RAD51D: variants seen among roughly 807,000 people sequenced by gnomAD.
RAD51D encodes DNA repair protein RAD51 homolog 4.
Under a neutral mutation model 44.1 loss-of-function variants are expected in RAD51D, and 38 were observed. The ratio of observed to expected loss-of-function variants is 0.86; its 90% CI spans 0.67 to 1.13. The LOEUF (loss-of-function observed/expected upper bound fraction) is 1.13. RAD51D is among the 50% of genes most tolerant of loss of function. The pLI is 0.00. For missense variants in RAD51D, 390 were observed against 414.0 expected, an observed-to-expected ratio of 0.94 and a Z score of 0.50; for synonymous variants, 141 against 166.6, an observed-to-expected ratio of 0.85 and a Z score of 1.18.
Position 35,104,433 on chromosome 17 carries a change from T to C in RAD51D, c.577-889A>G, listed in dbSNP as rs1301082344. Among the ~76,000 whole-genome samples, 5 of 152,218 alleles carry C rather than the reference T, an allele frequency of 3.3e-5. No homozygotes were observed. In the East Asian group the frequency reaches 9.6e-4, roughly 29 times the overall value. The stretch of plus-strand genomic sequence containing the variant: ...CTCTGTCACCCAGGCTGGAGTGCAG[T>C]GGCATGATCTCAGCTAACTGCAACC... On this transcript the variant is annotated intron_variant, in intron 6 of 9. Transcript: ENST00000345365.
intron 5 of RAD51D, 56 bp from the exon 6 acceptor site, chr17:35,106,537 AAGGT>A: frequency 7.4e-7 from 1 of 1,358,984 alleles, no homozygotes; most frequent in South Asian, 1.2e-5. Flanking sequence ...TAGGGGGGTC[AAGGT>A]AAGGCTGAGA....
chr17:35,117,792 C>G (rs779855270), intron 3 of RAD51D, among the ~76,000 whole-genome samples: 1 of 152,168 alleles, frequency 6.6e-6, no homozygotes, highest in Non-Finnish European at 1.5e-5. Context: ...ATGAGCACTG[C>G]ATCTGGACCG....
chr17:35,104,635 T>G (rs1307204464), intron 6 of RAD51D, among the ~76,000 whole-genome samples: 3 of 152,192 alleles, frequency 2.0e-5, no homozygotes, highest in African/African-American at 4.8e-5. Flanking sequence ...CTGGCCACTT[T>G]GGCCTCCCAA....
At chr17:35,114,706 A>T (rs2091717157) in intron 3 of RAD51D, among the ~76,000 whole-genome samples, 1 of 152,138 alleles carries the variant, frequency 6.6e-6, no homozygotes, top group Admixed American at 6.6e-5. Flanking sequence ...AAACAAATTA[A>T]AAAATTAAAA....
chr17:35,119,483 A>T (rs372388481), intron 1 of RAD51D, 49 bp downstream of exon 1: 4 of 1,590,312 alleles, frequency 2.5e-6, no homozygotes, highest in Admixed American at 1.7e-5. Context: ...GGGCCTGCCC[A>T]GGTTGTGCGA....
chr17:35,119,142 T>G lies in RAD51D; in HGVS notation c.113A>C (p.Glu38Ala). 1 of 1,614,028 alleles carries G rather than the reference T, an allele frequency of 6.2e-7. No homozygotes were observed. Among genetic ancestry groups the G allele is most frequent in the Non-Finnish European group, 8.5e-7 (1 of 1,179,864 alleles). ...VVDLVSADLE[E>A]VAQKCGLSYK... ...AGACAAGCCACATTTCTGAGCTACC[T>G]CTTCCAGGTCTGCAGAAACCAGGTC... Residue 38 changes from glutamate (E) to alanine (A), a missense_variant, in exon 2 of 10, where the codon GAG becomes GCG. By Grantham distance (107) the Glu-to-Ala change is moderately radical. Coordinates refer to ENST00000345365, the MANE Select transcript of RAD51D (RefSeq NM_002878.4).
At position 35,103,192 on chromosome 17, in the gene RAD51D, A is replaced by G. The variant is rs1189840706; in HGVS notation, c.738+62T>C. On this transcript the variant is annotated intron_variant, in intron 8 of 9. Coordinates refer to ENST00000345365, the MANE Select transcript of RAD51D (RefSeq NM_002878.4). The surrounding 1 kb of genome is among the most constrained non-coding windows in gnomAD (Gnocchi z 4.1). Reference sequence around the variant, plus strand: ...TTTGGGGTTCAGAAGCTGACATTTAAGGGAAATAAAGAGCTCGCAATAACT... The same window carrying G: ...TTTGGGGTTCAGAAGCTGACATTTAGGGGAAATAAAGAGCTCGCAATAACT... 1.3e-6 allele frequency: 2 copies of G among 1,500,182 alleles called. No homozygotes were observed. Among genetic ancestry groups the G allele is most frequent in the Non-Finnish European group, 1.8e-6 (2 of 1,099,434 alleles). 92.9% of individuals were successfully genotyped at this position (1,500,182 alleles called of 1,614,324 possible). A position where few individuals can be genotyped will look rare whatever the true frequency, so the allele number is the denominator to read the frequency against.
At chr17:35,106,914 A>G in intron 5 of RAD51D, 74 bp downstream of exon 5, 2 of 1,610,804 alleles carry the variant, frequency 1.2e-6, no homozygotes, top group African/African-American at 2.7e-5. Flanking sequence ...TTCAACCCAA[A>G]TTCTTACAAT....
At chr17:35,105,918 G>A (rs1157323319) in intron 6 of RAD51D, among the ~76,000 whole-genome samples, 1 of 152,186 alleles carries the variant, frequency 6.6e-6, no homozygotes, top group East Asian at 1.9e-4. Flanking sequence ...GAATATGGAT[G>A]TGGATGTGTG....
rs2091463294 is a variant in RAD51D at position 35,092,565 on chromosome 17, G to T, written c.*8388C>A. The T allele has an allele frequency of 6.6e-6, 1 of 152,196 alleles. No individual in the cohort carries two copies. Among genetic ancestry groups the T allele is most frequent in the Non-Finnish European group, 1.5e-5 (1 of 68,046 alleles). The allele number at this position is 152,196 out of a possible 1,614,324, so 9.4% of individuals were successfully genotyped here. A position where few individuals can be genotyped will look rare whatever the true frequency, so the allele number is the denominator to read the frequency against. On this transcript the variant is annotated 3_prime_UTR_variant, in exon 10 of 10. Transcript: ENST00000345365. ...ACCAGTAGGACAGAGACATTACCTT[G>T]TCCAAGTAACTCGGCCAGAAAGGGA...
At chr17:35,115,982 A>AAAGAAAGAAAGAAAGAAAGAAAGAAAGG (rs1597873335) in intron 3 of RAD51D, among the ~76,000 whole-genome samples, 1 of 151,228 alleles carries the variant, frequency 6.6e-6, no homozygotes, top group East Asian at 1.9e-4. Context: ...AGAAAGAAAG[A>AAAGAAAGAAAGAAAGAAAGAAAGAAAGG]AAGAAAGAAA....
chr17:35,103,365 A>ACCTGGCAG lies in RAD51D; in HGVS notation c.668-42_668-41insCTGCCAGG. 6.2e-7 allele frequency: 1 copy of ACCTGGCAG among 1,611,268 alleles called. No homozygotes were observed. Among genetic ancestry groups the ACCTGGCAG allele is most frequent in the Non-Finnish European group, 8.5e-7 (1 of 1,177,588 alleles). On this transcript the variant is annotated intron_variant, in intron 7 of 9. Transcript: ENST00000345365. This position sits in a 1 kb window ranked among gnomAD's most constrained non-coding sequence, Gnocchi z 4.1. ...AAGCAGAGAGGGAGGGCAGTGGGGA[A>ACCTGGCAG]CCAGGGATGGGGCTGGCCAGAGACC... is the stretch of plus-strand genomic sequence containing the variant.
Position 35,097,459 on chromosome 17 carries a change from A to ATATATGTGTGTGTATATATATG in RAD51D, c.*3493_*3494insCATATATATACACACACATATA, listed in dbSNP as rs2091494155. On this transcript the variant is annotated 3_prime_UTR_variant, in exon 10 of 10. Transcript: ENST00000345365. ...TGTGTGTATATATATGTGTGTATAT[A>ATATATGTGTGTGTATATATATG]TATATATGTGTGTATATATATGTAT... 6.7e-6 allele frequency: 1 copy of ATATATGTGTGTGTATATATATG among 149,508 alleles called. No individual in the cohort carries two copies. The highest frequency in any genetic ancestry group is 2.5e-5 in the African/African-American group (1 of 40,380). 9.3% of individuals were successfully genotyped at this position (149,508 alleles called of 1,614,324 possible). A position where few individuals can be genotyped will look rare whatever the true frequency, so the allele number is the denominator to read the frequency against.
intron 6 of RAD51D, chr17:35,106,176 G>T: frequency 1.4e-6 from 1 of 714,768 alleles, no homozygotes; most frequent in South Asian, 1.4e-5. Context: ...CCACTCAGGG[G>T]GCTTTACTGT....
At chr17:35,104,677 C>CCTAG (rs2091578414) in intron 6 of RAD51D, among the ~76,000 whole-genome samples, 1 of 152,192 alleles carries the variant, frequency 6.6e-6, no homozygotes, top group African/African-American at 2.4e-5. Flanking sequence ...AGCCACCAAG[C>CCTAG]CTAGCCTGTG....
intron 1 of RAD51D, 157 bp downstream of exon 1, chr17:35,119,375 C>A: frequency 1.0e-6 from 1 of 984,866 alleles, no homozygotes; most frequent in Non-Finnish European, 1.6e-6. Flanking sequence ...AGCTTGGCTC[C>A]CCACGCCCAC....
chr17:35,108,579 T>C (rs992603572), intron 3 of RAD51D, among the ~76,000 whole-genome samples: 5 of 151,594 alleles, frequency 3.3e-5, no homozygotes, highest in Admixed American at 6.6e-5. Flanking sequence ...CCACAGAGCT[T>C]ATTCAGATTT....
chr17:35,119,190 A>G lies in RAD51D; in HGVS notation c.83-18T>C, dbSNP rs772607779. 2 of 1,609,946 alleles carry G rather than the reference A, an allele frequency of 1.2e-6. No individual in the cohort carries two copies. The highest frequency in any genetic ancestry group is 3.3e-5 in the Admixed American group (2 of 60,014). On this transcript the variant is annotated intron_variant, in intron 1 of 9. Coordinates refer to ENST00000345365, the MANE Select transcript of RAD51D (RefSeq NM_002878.4). ...GTCCACCACTGAAAACAAAACACGT[A>G]TAGCGGATTGGCAGAGAGGACTGGG... is the stretch of plus-strand genomic sequence containing the variant.
chr17:35,098,641 G>C lies in RAD51D; in HGVS notation c.*2312C>G, dbSNP rs1042313298. 6.6e-6 allele frequency: 1 copy of C among 152,002 alleles called. No individual in the cohort carries two copies. The allele number at this position is 152,002 out of a possible 1,614,324, so 9.4% of individuals were successfully genotyped here. On this transcript the variant is annotated 3_prime_UTR_variant, in exon 10 of 10. Transcript: ENST00000345365. Reference sequence around the variant, plus strand: ...GGCTGGTCTGGAACTCCTGACCTTAGGTGATCCACCCACCTCAGCCTCCCA... The same window carrying C: ...GGCTGGTCTGGAACTCCTGACCTTACGTGATCCACCCACCTCAGCCTCCCA...
Sources: gnomAD v4.1 joint callset for allele counts (sites outside exome capture counted in the v4.1 genomes callset) on GRCh38, gnomAD v4.1.1 for gene constraint, Gnocchi (gnomAD v3.1) non-coding constraint, MANE v1.5 for transcripts, NCBI Gene and HGNC (gene_info 2026-07-23, HGNC 2026-07-21) for gene names.